DAAM1: variants seen among roughly 807,000 people sequenced by gnomAD.
DAAM1 encodes the protein disheveled-associated activator of morphogenesis 1.
Under a neutral mutation model 130.0 loss-of-function variants are expected in DAAM1, and 52 were observed. That is an observed-to-expected ratio of 0.40 (90% CI 0.32 to 0.50). The LOEUF (loss-of-function observed/expected upper bound fraction) is 0.50, where lower values mean the gene tolerates loss of function less well. DAAM1 is among the 20% of genes least tolerant of loss of function. The pLI is 0.61. For synonymous variants in DAAM1, 452 were observed against 444.5 expected, an observed-to-expected ratio of 1.02 and a Z score of -0.21; for missense variants, 1,134 against 1,303.8, an observed-to-expected ratio of 0.87 and a Z score of 2.01.
At chr14:59,288,819 T>C (rs919020786) in intron 2 of DAAM1, among the ~76,000 whole-genome samples, 46 of 127,604 alleles carry the variant, frequency 3.6e-4, no homozygotes, top group African/African-American at 1.6e-3. Context: ...AAGCACATTT[T>C]CCTGTGATAG....
intron 1 of DAAM1, among the ~76,000 whole-genome samples, chr14:59,259,334 C>T (rs1882060723): frequency 6.6e-6 from 1 of 152,156 alleles, no homozygotes; most frequent in African/African-American, 2.4e-5. Context: ...CAGACCATAT[C>T]TAGTTAGGCA....
intron 1 of DAAM1, among the ~76,000 whole-genome samples, chr14:59,231,773 T>G (rs558181779): frequency 5.3e-5 from 8 of 152,190 alleles, no homozygotes; most frequent in Admixed American, 3.3e-4. Context: ...TAACAAACTT[T>G]AGCTACTATA....
At chr14:59,361,172 C>T (rs185839617) in intron 22 of DAAM1, among the ~76,000 whole-genome samples, 29 of 152,240 alleles carry the variant, frequency 1.9e-4, no homozygotes, top group Admixed American at 1.1e-3. Flanking sequence ...TCTTCAGGGA[C>T]GCTCTCAGTT....
In DAAM1 at chr14:59,263,527, G is replaced by T. The variant is rs1179200908; in HGVS notation, c.50G>T (p.Cys17Phe). ...CGAGGTATTTCATTCATCTTTTGCT[G>T]TTTCCGAAATAATGATCACCCAGAA... ...GGRGISFIFC[C>F]FRNNDHPEIT... The change falls in exon 2 of 25, where the codon TGT becomes TTT. Residue 17 changes from cysteine to phenylalanine, a missense_variant. Physicochemically the swap from Cys to Phe is radical, Grantham distance 205. Transcript: ENST00000360909. 2 of 1,614,104 alleles carry T rather than the reference G, an allele frequency of 1.2e-6. No homozygotes were observed. Among genetic ancestry groups the T allele is most frequent in the Non-Finnish European group, 1.7e-6 (2 of 1,180,048 alleles).
intron 1 of DAAM1, among the ~76,000 whole-genome samples, chr14:59,242,394 T>C (rs1166410412): frequency 6.6e-6 from 1 of 152,146 alleles, no homozygotes. Flanking sequence ...CATGGGCACA[T>C]GTCACAACCA....
intron 1 of DAAM1, among the ~76,000 whole-genome samples, chr14:59,240,782 C>A (rs929219105): frequency 1.4e-4 from 21 of 152,264 alleles, no homozygotes; most frequent in Admixed American, 1.2e-3. Flanking sequence ...ATCCCTAGAT[C>A]AGTCACTGTC....
At chr14:59,314,842 A>T (rs1884723822) in intron 3 of DAAM1, among the ~76,000 whole-genome samples, 2 of 152,140 alleles carry the variant, frequency 1.3e-5, no homozygotes, top group African/African-American at 4.8e-5. Flanking sequence ...TTACTGTCTG[A>T]TGGAGTCTGA....
At chr14:59,251,512 A>G (rs973008971) in intron 1 of DAAM1, among the ~76,000 whole-genome samples, 2 of 151,592 alleles carry the variant, frequency 1.3e-5, no homozygotes, top group Non-Finnish European at 2.9e-5. Flanking sequence ...AGTTCTCAAC[A>G]TGAAGGGAGG....
intron 1 of DAAM1, among the ~76,000 whole-genome samples, chr14:59,240,469 C>G (rs1417547399): frequency 2.0e-5 from 3 of 152,014 alleles, no homozygotes; most frequent in Non-Finnish European, 4.4e-5. Flanking sequence ...GAAAAAAGTT[C>G]ATTGAATCAC....
chr14:59,337,767 A>T (rs1259651003), intron 15 of DAAM1, among the ~76,000 whole-genome samples: 1 of 152,060 alleles, frequency 6.6e-6, no homozygotes, highest in Non-Finnish European at 1.5e-5. Context: ...TCTTAATTGC[A>T]TGTTCTTTTT....
chr14:59,268,604 G>A (rs772742078), intron 2 of DAAM1, among the ~76,000 whole-genome samples: 10 of 152,144 alleles, frequency 6.6e-5, no homozygotes, highest in Admixed American at 1.3e-4. Context: ...TTGTGTGTGC[G>A]TGAGTTGTCA....
chr14:59,363,502 A>ACT (rs1886792371), intron 22 of DAAM1, 149 bp from the exon 23 acceptor site: 3 of 1,120,612 alleles, frequency 2.7e-6, no homozygotes, highest in Admixed American at 2.5e-5. Context: ...GGGCAGGGGC[A>ACT]CTAGAGTATA....
At chr14:59,196,636 C>T (rs533904764) in intron 1 of DAAM1, among the ~76,000 whole-genome samples, 3 of 151,774 alleles carry the variant, frequency 2.0e-5, no homozygotes, top group East Asian at 2.0e-4. Flanking sequence ...CCAGCTACTC[C>T]GGAGGCTGAG....
chr14:59,190,284 A>G (rs766856223), intron 1 of DAAM1, among the ~76,000 whole-genome samples: 2 of 151,998 alleles, frequency 1.3e-5, no homozygotes, highest in Non-Finnish European at 2.9e-5. Flanking sequence ...TCTCCCTGAA[A>G]CTAATTGTTT....
chr14:59,235,408 T>A (rs1001654248), intron 1 of DAAM1, among the ~76,000 whole-genome samples: 4 of 152,214 alleles, frequency 2.6e-5, no homozygotes, highest in Non-Finnish European at 5.9e-5. Context: ...CCATTTCTTC[T>A]AGGTTTTCTT....
intron 1 of DAAM1, among the ~76,000 whole-genome samples, chr14:59,204,469 C>T (rs1277606773): frequency 6.6e-6 from 1 of 152,154 alleles, no homozygotes; most frequent in Non-Finnish European, 1.5e-5. Context: ...CTGCAATCAG[C>T]TGGAGAAGAG....
chr14:59,251,483 A>G (rs909309712), intron 1 of DAAM1, among the ~76,000 whole-genome samples: 17 of 146,612 alleles, frequency 1.2e-4, no homozygotes, highest in Admixed American at 3.5e-4. Flanking sequence ...AGAGGATCGT[A>G]TATCTAAATG....
intron 1 of DAAM1, among the ~76,000 whole-genome samples, chr14:59,245,346 G>A (rs1881322921): frequency 6.6e-6 from 1 of 151,910 alleles, no homozygotes; most frequent in Non-Finnish European, 1.5e-5. Flanking sequence ...TTTAAGTTTG[G>A]GTCAGAAGCC....
chr14:59,220,403 A>G (rs922136636), intron 1 of DAAM1, among the ~76,000 whole-genome samples: 7 of 152,206 alleles, frequency 4.6e-5, no homozygotes, highest in African/African-American at 1.7e-4. Flanking sequence ...TAAGGGAGGT[A>G]GAAGTTAAAT....
Sources: gnomAD v4.1 joint callset for allele counts (sites outside exome capture counted in the v4.1 genomes callset) on GRCh38, gnomAD v4.1.1 for gene constraint, MANE v1.5 for transcripts, NCBI Gene and HGNC (gene_info 2026-07-23, HGNC 2026-07-21) for gene names.